The following SLIT3 variants were observed in gnomAD, a reference collection of about 807,000 sequenced individuals.
The protein encoded by SLIT3 is slit homolog 3 protein.
In SLIT3, 68 loss-of-function variants were observed where a neutral mutation model predicts 184.0. The observed-to-expected ratio is 0.37, with a 90% CI of 0.30 to 0.45. SLIT3 has a LOEUF of 0.45. SLIT3 is among the 20% of genes least tolerant of loss of function. SLIT3 has a pLI of 1.00. For synonymous variants in SLIT3, 831 were observed against 828.6 expected (o/e 1.00, Z -0.05); for missense variants, 1,707 against 2,026.0 (o/e 0.84, Z 3.02).
intron 4 of SLIT3, among the ~76,000 whole-genome samples, chr5:169,039,430 C>CTT (rs1271329332): frequency 1.5e-4 from 23 of 151,612 alleles, no homozygotes; most frequent in African/African-American, 5.6e-4. Flanking sequence ...CATTCTCCTG[C>CTT]CTCAGCCTCC....
intron 6 of SLIT3, among the ~76,000 whole-genome samples, chr5:168,843,700 T>C (rs1758348583): frequency 6.6e-6 from 1 of 152,228 alleles, no homozygotes; most frequent in Non-Finnish European, 1.5e-5. Context: ...TCTCCTGTGC[T>C]GTACTGCCTT....
chr5:168,925,444 G>C (rs1761784991), intron 4 of SLIT3, among the ~76,000 whole-genome samples: 1 of 152,168 alleles, frequency 6.6e-6, no homozygotes. Flanking sequence ...ACTTGCACCA[G>C]CAAGAGGGTT....
At chr5:168,686,383 A>G (rs185681501) in intron 30 of SLIT3, among the ~76,000 whole-genome samples, 69 of 152,356 alleles carry the variant, frequency 4.5e-4, no homozygotes, top group South Asian at 1.9e-3. Context: ...CATCCATCCA[A>G]TGGAACATTG....
Position 169,178,237 on chromosome 5 carries a change from C to T in SLIT3, c.413+15242G>A, listed in dbSNP as rs74439517. The stretch of plus-strand genomic sequence containing the variant: ...ATTCTGTCTTCTGTGATTCCCCTGT[C>T]GCTTAATGAAAAATCACGGCTAAGG... On this transcript the variant is annotated intron_variant, in intron 4 of 35. Transcript: ENST00000519560. Among the ~76,000 whole-genome samples the T allele has an allele frequency of 4.7e-4, 72 of 152,308 alleles. 2 individuals are homozygous for T. The Middle Eastern group carries it at 0.01, about 22-fold the overall frequency.
intron 4 of SLIT3, among the ~76,000 whole-genome samples, chr5:169,141,693 C>T (rs375619331): frequency 6.7e-6 from 1 of 149,952 alleles, no homozygotes; most frequent in Admixed American, 6.7e-5. Context: ...AAGCCGAGAT[C>T]GCGCCATTGC....
chr5:168,800,397 C>A (rs1474773159), intron 9 of SLIT3, among the ~76,000 whole-genome samples: 16 of 152,080 alleles, frequency 1.1e-4, no homozygotes, highest in Non-Finnish European at 2.4e-4. Context: ...ACCAGCCTGG[C>A]CAACACGGTG....
intron 10 of SLIT3, chr5:168,790,385 A>C (rs948532065): frequency 1.3e-5 from 2 of 152,228 alleles, no homozygotes; most frequent in Non-Finnish European, 2.9e-5. Context: ...GGTCTGGGGC[A>C]GCTAACCAGG....
At chr5:169,077,179 G>A (rs1157722821) in intron 4 of SLIT3, among the ~76,000 whole-genome samples, 3 of 152,152 alleles carry the variant, frequency 2.0e-5, no homozygotes, top group African/African-American at 7.2e-5. Context: ...TTAATGAATT[G>A]TAAGTATATT....
chr5:168,723,572 T>C (rs1013392534), intron 21 of SLIT3, among the ~76,000 whole-genome samples: 12 of 152,222 alleles, frequency 7.9e-5, no homozygotes, highest in African/African-American at 2.7e-4. Flanking sequence ...AGTACTTTTT[T>C]CCCCTGATTA....
chr5:168,969,385 C>A (rs1295065275), intron 4 of SLIT3, among the ~76,000 whole-genome samples: 1 of 152,180 alleles, frequency 6.6e-6, no homozygotes. Context: ...TGCCTACTGC[C>A]CGGGAGTCAG....
In SLIT3 at chr5:168,686,982, A is replaced by G. The variant is rs145570188; in HGVS notation, c.3311T>C (p.Phe1104Ser). 6.2e-7 allele frequency: 1 copy of G among 1,613,290 alleles called. No homozygotes were observed. The highest frequency in any genetic ancestry group is 1.3e-5 in the African/African-American group (1 of 74,934). Residue 1104 changes from phenylalanine to serine, a missense_variant, in exon 30 of 36, where the codon TTC becomes TCC. Around this residue, in one of 3 missense-constraint regions of SLIT3, gnomAD observed 1,307 missense variants for 1,511.6 expected, o/e 0.86. Transcript: ENST00000519560. The part of the protein sequence containing the change: ...NGYTCTCPQG[F>S]SGPFCEHPPP... ...CTGAGGTGCCCTCCTGCCTTACCTGAAGCCCTGGGGGCAGGTGCATGTGTA... is the reference window on the plus strand; with the variant it reads ...CTGAGGTGCCCTCCTGCCTTACCTGGAGCCCTGGGGGCAGGTGCATGTGTA...
At chr5:168,829,505 C>A (rs1757813089) in intron 6 of SLIT3, among the ~76,000 whole-genome samples, 1 of 152,196 alleles carries the variant, frequency 6.6e-6, no homozygotes, top group Admixed American at 6.5e-5. Context: ...AGACTTCTCC[C>A]TAAGTCTACA....
intron 20 of SLIT3, among the ~76,000 whole-genome samples, chr5:168,747,128 G>C (rs1270854283): frequency 2.0e-5 from 3 of 152,090 alleles, no homozygotes; most frequent in Non-Finnish European, 4.4e-5. Flanking sequence ...ACTTCAGCCA[G>C]AGCACTGCCT....
intron 5 of SLIT3, among the ~76,000 whole-genome samples, chr5:168,874,862 A>G (rs949046260): frequency 1.3e-5 from 2 of 152,236 alleles, no homozygotes; most frequent in African/African-American, 4.8e-5. Flanking sequence ...CGGGGCAAAT[A>G]GAGAAGAGTG....
chr5:169,170,336 T>C (rs1340992864), intron 4 of SLIT3, among the ~76,000 whole-genome samples: 1 of 152,222 alleles, frequency 6.6e-6, no homozygotes, highest in African/African-American at 2.4e-5. Flanking sequence ...GGAAGAGTCA[T>C]AACTTCCAAA....
intron 29 of SLIT3, among the ~76,000 whole-genome samples, chr5:168,689,389 G>A (rs910809721): frequency 2.0e-5 from 3 of 152,162 alleles, no homozygotes; most frequent in Admixed American, 6.5e-5. Context: ...GAGAGTAACC[G>A]CATGCTGTCC....
At chr5:168,801,624 G>A (rs534815538) in intron 9 of SLIT3, among the ~76,000 whole-genome samples, 3 of 152,312 alleles carry the variant, frequency 2.0e-5, no homozygotes, top group Admixed American at 2.0e-4. Flanking sequence ...TCCCTCCAGA[G>A]CTTTTGAAGA....
chr5:168,729,422 C>T (rs192239621), intron 20 of SLIT3, among the ~76,000 whole-genome samples: 269 of 151,906 alleles, frequency 1.8e-3, no homozygotes, highest in Middle Eastern at 6.8e-3. Context: ...ACAAAGGAAA[C>T]CCCTCAGACT....
intron 29 of SLIT3, 69 bp downstream of exon 29, chr5:168,692,538 C>T: frequency 9.4e-7 from 1 of 1,062,976 alleles, no homozygotes; most frequent in Non-Finnish European, 1.4e-6. Flanking sequence ...CAGAGACTGC[C>T]TAAAACCTAG....
Sources: gnomAD v4.1 joint callset for allele counts (sites outside exome capture counted in the v4.1 genomes callset) on GRCh38, gnomAD v4.1.1 for gene constraint, gnomAD v4.1.1 regional missense constraint, MANE v1.5 for transcripts, NCBI Gene and HGNC (gene_info 2026-07-23, HGNC 2026-07-21) for gene names.